Variants in DHODH observed in about 807,000 individuals in gnomAD.
DHODH encodes dihydroorotate dehydrogenase (quinone), also known as dihydroorotate dehydrogenase (quinone), mitochondrial.
In DHODH, 30 loss-of-function variants were observed where a neutral mutation model predicts 39.7. That is an observed-to-expected ratio of 0.76 (90% CI 0.57 to 1.02). The LOEUF (loss-of-function observed/expected upper bound fraction) is 1.02. Among genes scored for constraint, DHODH ranks in the 50% least tolerant of loss-of-function variants. The pLI is 0.00. For synonymous variants in DHODH, 222 were observed against 213.8 expected, an observed-to-expected ratio of 1.04 and a Z score of -0.34; for missense variants, 531 against 520.8, an observed-to-expected ratio of 1.02 and a Z score of -0.19.
Position 72,021,296 on chromosome 16 carries a change from C to T in DHODH, c.690C>T (p.Arg230=), listed in dbSNP as rs578023727. The change falls in exon 5 of 9, where the codon CGC becomes CGT. Residue 230 remains arginine, a synonymous_variant. Transcript: ENST00000219240. ...LRSLQGKAEL[R]RLLTKVLQER... Reference sequence around the variant, plus strand: ...GCCTTCAGGGAAAGGCCGAGCTGCGCCGCCTGCTGACCAAGGTGGGCAGCT... The same window carrying T: ...GCCTTCAGGGAAAGGCCGAGCTGCGTCGCCTGCTGACCAAGGTGGGCAGCT... 20 of 1,607,782 alleles carry T rather than the reference C, an allele frequency of 1.2e-5. No individual in the cohort carries two copies. Among genetic ancestry groups the T allele is most frequent in the Admixed American group, 1.7e-5 (1 of 59,504 alleles).
At chr16:72,017,770 C>CTTTTT (rs71153696) in intron 4 of DHODH, among the ~76,000 whole-genome samples, 19 of 103,802 alleles carry the variant, frequency 1.8e-4, no homozygotes, top group African/African-American at 6.2e-4. Context: ...AAACAACATG[C>CTTTTT]TTTTTTTTTT....
Position 72,023,158 on chromosome 16 carries a change from A to G in DHODH, c.820-7A>G, listed in dbSNP as rs201493771. On this transcript the variant is annotated splice_region_variant and splice_polypyrimidine_tract_variant and intron_variant, in intron 6 of 8. Transcript: ENST00000219240. The stretch of plus-strand genomic sequence containing the variant: ...ACTCATGGCTTTTTCTCTATCTCGC[A>G]CTGCAGTTGGGCATCGATGGGCTGA... 17 of 1,613,960 alleles carry G rather than the reference A, an allele frequency of 1.1e-5. No individual in the cohort carries two copies. The East Asian group carries it at 3.3e-4, about 32-fold the overall frequency.
chr16:72,015,652 A>T lies in DHODH; in HGVS notation c.434+980A>T, dbSNP rs1482798418. ...TCAGGGAAATTCTCCAGCATTAGAG[A>T]TCAAGTTATTGATCTTTCTGCTGCA... On this transcript the variant is annotated intron_variant, in intron 3 of 8. Transcript: ENST00000219240. The T allele has an allele frequency of 4.1e-6, 4 of 976,642 alleles. No homozygotes were observed. In the South Asian group the frequency reaches 1.4e-4, roughly 35 times the overall value. 60.5% of individuals were successfully genotyped at this position (976,642 alleles called of 1,614,324 possible).
intron 1 of DHODH, among the ~76,000 whole-genome samples, chr16:72,010,595 C>T (rs2041071213): frequency 6.6e-6 from 1 of 152,144 alleles, no homozygotes; most frequent in African/African-American, 2.4e-5. Context: ...AATGACTGAA[C>T]TAATGAATGA....
In DHODH at chr16:72,026,248, CT is replaced by C; in HGVS notation, c.*2052del. 1 of 152,484 alleles carries C rather than the reference CT, an allele frequency of 6.6e-6. No homozygotes were observed. The highest frequency in any genetic ancestry group is 1.5e-5 in the Non-Finnish European group (1 of 68,134). 9.4% of individuals were successfully genotyped at this position (152,484 alleles called of 1,614,324 possible). A position where few individuals can be genotyped will look rare whatever the true frequency, so the allele number is the denominator to read the frequency against. ...GCTCTCTGTGAGTCATCTGCCCTCC[CT>C]TTCCCATGCTACAGGCATCTACCTT... On this transcript the variant is annotated 3_prime_UTR_variant, in exon 9 of 9. Transcript: ENST00000219240.
intron 4 of DHODH, among the ~76,000 whole-genome samples, chr16:72,017,769 G>GTTTTTTTT (rs1567571747): frequency 4.2e-5 from 3 of 71,932 alleles, no homozygotes; most frequent in Non-Finnish European, 7.9e-5. Context: ...AAAACAACAT[G>GTTTTTTTT]CTTTTTTTTT....
At chr16:72,017,402 G>A (rs948899126) in intron 4 of DHODH, among the ~76,000 whole-genome samples, 5 of 152,136 alleles carry the variant, frequency 3.3e-5, no homozygotes, top group African/African-American at 4.8e-5. Context: ...GATCACACAG[G>A]CAATGAGGGC....
In DHODH at chr16:72,027,000, TGTGTGTGTG is replaced by T. The variant is rs528091494; in HGVS notation, c.*2802_*2810del. On this transcript the variant is annotated 3_prime_UTR_variant, in exon 9 of 9. Transcript: ENST00000219240. ...GTGTGTGTGTGTGTGTGTGTGTGTG[TGTGTGTGTG>T]TTTTTGAGATGGAGTCCTGCTCTGT... The T allele has an allele frequency of 0.2, 20,848 of 103,460 alleles. 2,365 individuals are homozygous for T. The highest frequency in any genetic ancestry group is 0.28 in the African/African-American group (9,268 of 32,768). 6.4% of individuals were successfully genotyped at this position (103,460 alleles called of 1,614,324 possible). A position where few individuals can be genotyped will look rare whatever the true frequency, so the allele number is the denominator to read the frequency against.
rs375297532 is a variant in DHODH, at chr16:72,025,480, G to A, written c.*1281G>A. 1 of 152,214 alleles carries A rather than the reference G, an allele frequency of 6.6e-6. No individual in the cohort carries two copies. The highest frequency in any genetic ancestry group is 1.5e-5 in the Non-Finnish European group (1 of 68,040). 9.4% of individuals were successfully genotyped at this position (152,214 alleles called of 1,614,324 possible). A position where few individuals can be genotyped will look rare whatever the true frequency, so the allele number is the denominator to read the frequency against. ...GGCCTCGGTCTTTTGAGTGGGGTCT[G>A]TTTACCCAGTCCCCTGTTGGTGATC... On this transcript the variant is annotated 3_prime_UTR_variant, in exon 9 of 9. Coordinates refer to ENST00000219240, the MANE Select transcript of DHODH (RefSeq NM_001361.5).
intron 3 of DHODH, chr16:72,016,091 C>T (rs2041138843): frequency 6.4e-6 from 1 of 157,150 alleles, no homozygotes; most frequent in African/African-American, 2.4e-5. Context: ...TTTCTTTTTG[C>T]TTGTCAGAGA....
At chr16:72,022,997 T>A (rs937945172) in intron 6 of DHODH, among the ~76,000 whole-genome samples, 168 bp from the exon 7 acceptor site, 1 of 152,184 alleles carries the variant, frequency 6.6e-6, no homozygotes, top group Non-Finnish European at 1.5e-5. Context: ...TTATGGCTCA[T>A]TCTAAAACTT....
At chr16:72,022,043 G>A (rs1034539196) in intron 5 of DHODH, among the ~76,000 whole-genome samples, 2 of 149,768 alleles carry the variant, frequency 1.3e-5, no homozygotes, top group Non-Finnish European at 3.0e-5. Context: ...ACAGTGAGCC[G>A]TGATCATGCT....
chr16:72,026,783 TTTTC>T lies in DHODH; in HGVS notation c.*2592_*2595del, dbSNP rs1313217064. 2 of 151,602 alleles carry T rather than the reference TTTTC, an allele frequency of 1.3e-5. No homozygotes were observed. The highest frequency in any genetic ancestry group is 2.9e-5 in the Non-Finnish European group (2 of 68,126). 9.4% of individuals were successfully genotyped at this position (151,602 alleles called of 1,614,324 possible). A position where few individuals can be genotyped will look rare whatever the true frequency, so the allele number is the denominator to read the frequency against. On this transcript the variant is annotated 3_prime_UTR_variant, in exon 9 of 9. Coordinates refer to ENST00000219240, the MANE Select transcript of DHODH (RefSeq NM_001361.5). ...GGCCATGTGGTGTGCGGATACCTAT[TTTTC>T]TTTCTTTTCTTTTTTTTTTCTGAGA...
intron 2 of DHODH, among the ~76,000 whole-genome samples, chr16:72,013,992 G>A (rs760279504): frequency 2.8e-4 from 43 of 152,150 alleles, no homozygotes; most frequent in Non-Finnish European, 5.7e-4. Flanking sequence ...TTGCCAGCCC[G>A]GATGAGGAGG....
At chr16:72,024,087 A>G in intron 8 of DHODH, 58 bp from the exon 9 acceptor site, 1 of 1,585,538 alleles carries the variant, frequency 6.3e-7, no homozygotes, top group Non-Finnish European at 8.7e-7. Context: ...GGCTTCCTGT[A>G]AGAGCAGGGC....
At chr16:72,017,000 C>G in intron 3 of DHODH, 24 bp from the exon 4 acceptor site, 1 of 1,611,840 alleles carries the variant, frequency 6.2e-7, no homozygotes, top group Non-Finnish European at 8.5e-7. Context: ...CACTCTGCCC[C>G]TCCCGTGTGC....
In DHODH at chr16:72,014,442, C is replaced by T. The variant is rs773650869; in HGVS notation, c.235-31C>T. 39 of 1,596,984 alleles carry T rather than the reference C, an allele frequency of 2.4e-5. No homozygotes were observed. In the East Asian group the frequency reaches 6.0e-4, roughly 25 times the overall value. On this transcript the variant is annotated intron_variant, in intron 2 of 8. Coordinates refer to ENST00000219240, the MANE Select transcript of DHODH (RefSeq NM_001361.5). ...TTGAGAAATACCGGGATAGCCTTAG[C>T]GTGCCTCTGACTTTGTCTTCCTCTT...
At position 72,020,685 on chromosome 16, in the gene DHODH, T is replaced by G. The variant is rs547939522; in HGVS notation, c.518-439T>G. Among the ~76,000 whole-genome samples, 11 of 152,222 alleles carry G rather than the reference T, an allele frequency of 7.2e-5. No individual in the cohort carries two copies. In the South Asian group the frequency reaches 1.5e-3, roughly 20 times the overall value. ...AGTATTTTATACATGTTCTTTCATT[T>G]TGTTTTTTCTTCGCAACTGTACATC... On this transcript the variant is annotated intron_variant, in intron 4 of 8. Transcript: ENST00000219240.
intron 4 of DHODH, among the ~76,000 whole-genome samples, chr16:72,018,094 C>T (rs868033333): frequency 4.3e-5 from 5 of 117,582 alleles, no homozygotes; most frequent in South Asian, 3.3e-4. Context: ...TTTTTGAAGA[C>T]GCCTCCGGCG....
Sources: allele counts gnomAD v4.1 joint callset (sites outside exome capture counted in the v4.1 genomes callset), GRCh38; gene constraint gnomAD v4.1.1; transcripts MANE v1.5; gene names NCBI Gene and HGNC (gene_info 2026-07-23, HGNC 2026-07-21).